The following ZEB2 variants were observed in gnomAD, a reference collection of about 807,000 sequenced individuals.
The protein encoded by ZEB2 is zinc finger E-box-binding homeobox 2.
A neutral mutation model predicts 99.9 loss-of-function variants in ZEB2; 6 were observed. The ratio of observed to expected loss-of-function variants is 0.06; its 90% confidence interval spans 0.03 to 0.12. The LOEUF (loss-of-function observed/expected upper bound fraction) is 0.12, where lower values mean the gene tolerates loss of function less well. Ranked by LOEUF, ZEB2 falls within the 10% of genes least tolerant of loss-of-function variation. The pLI is 1.00. For missense variants in ZEB2, 969 were observed against 1,502.8 expected (o/e 0.64, Z 5.87); for synonymous variants, 517 against 542.5 (o/e 0.95, Z 0.65).
chr2:144,458,184 C>A (rs1704145886), intron 2 of ZEB2, among the ~76,000 whole-genome samples: 1 of 151,920 alleles, frequency 6.6e-6, no homozygotes, highest in Admixed American at 6.6e-5. Context: ...CACCACCACA[C>A]AACTTCACAC....
At chr2:144,462,078 G>C (rs914607437) in intron 2 of ZEB2, 6 of 149,010 alleles carry the variant, frequency 4.0e-5, no homozygotes, top group African/African-American at 1.6e-4. Flanking sequence ...AGGGTAAGGA[G>C]GGGGGACAGG....
At chr2:144,458,094 C>A (rs544954661) in intron 2 of ZEB2, among the ~76,000 whole-genome samples, 75 of 151,908 alleles carry the variant, frequency 4.9e-4, no homozygotes, top group African/African-American at 1.7e-3. Context: ...TATTTCTGGG[C>A]TGTTTTCATT....
intron 4 of ZEB2, among the ~76,000 whole-genome samples, chr2:144,410,199 G>A (rs913026830): frequency 3.3e-5 from 5 of 152,052 alleles, no homozygotes; most frequent in East Asian, 1.9e-4. Context: ...GTGAGCCACC[G>A]CGCCCAGCCA....
chr2:144,428,639 T>C (rs2149890612), intron 3 of ZEB2: 1 of 152,312 alleles, frequency 6.6e-6, no homozygotes, highest in Non-Finnish European at 1.5e-5. Context: ...TGTACTCAAA[T>C]TGCCATCAGT....
At chr2:144,431,614 G>T (rs1703770526) in intron 2 of ZEB2, among the ~76,000 whole-genome samples, 1 of 151,926 alleles carries the variant, frequency 6.6e-6, no homozygotes, top group African/African-American at 2.4e-5. Context: ...CTTTTCAAGA[G>T]GTGTGACCAC....
intron 2 of ZEB2, among the ~76,000 whole-genome samples, chr2:144,460,210 C>T (rs552349239): frequency 6.6e-6 from 1 of 152,138 alleles, no homozygotes; most frequent in East Asian, 1.9e-4. Flanking sequence ...AGTGATTAAA[C>T]CATGGACACG....
intron 2 of ZEB2, chr2:144,482,039 C>A (rs549234004): frequency 6.6e-6 from 1 of 152,320 alleles, no homozygotes; most frequent in East Asian, 1.9e-4. Context: ...ATAATTCCAA[C>A]AGAATGCCTC....
chr2:144,476,836 T>G (rs1375806467), intron 2 of ZEB2, among the ~76,000 whole-genome samples: 4 of 152,160 alleles, frequency 2.6e-5, no homozygotes, highest in African/African-American at 9.7e-5. Context: ...GGGTTCCATG[T>G]TTCATGTATC....
At chr2:144,495,084 C>T (rs142616849) in intron 2 of ZEB2, 2 of 152,302 alleles carry the variant, frequency 1.3e-5, no homozygotes, top group East Asian at 1.9e-4. Context: ...TTGCTATGTT[C>T]GGTCCTTGAA....
chr2:144,487,034 T>C (rs1704608670), intron 2 of ZEB2, among the ~76,000 whole-genome samples: 1 of 152,210 alleles, frequency 6.6e-6, no homozygotes, highest in African/African-American at 2.4e-5. Flanking sequence ...ATTATGCATA[T>C]AAACTTCCGT....
At chr2:144,445,816 T>C (rs545062915) in intron 2 of ZEB2, among the ~76,000 whole-genome samples, 79 of 152,338 alleles carry the variant, frequency 5.2e-4, no homozygotes, top group Non-Finnish European at 1.0e-3. Flanking sequence ...CACTGTCATT[T>C]CAGGCAGTAT....
intron 2 of ZEB2, among the ~76,000 whole-genome samples, chr2:144,456,558 C>G (rs184145815): frequency 6.6e-6 from 1 of 152,116 alleles, no homozygotes; most frequent in South Asian, 2.1e-4. Flanking sequence ...GGGACTTCCA[C>G]AAATTCTTTA....
In ZEB2 at chr2:144,385,633, A is replaced by G. The variant is rs1703071426; in HGVS notation, c.*3818T>C. The G allele has an allele frequency of 6.6e-6, 1 of 152,142 alleles. No individual in the cohort carries two copies. The highest frequency in any genetic ancestry group is 1.9e-4 in the East Asian group (1 of 5,196). The allele number at this position is 152,142 out of a possible 1,614,324, so 9.4% of individuals were successfully genotyped here. On this transcript the variant is annotated 3_prime_UTR_variant, in exon 10 of 10. Transcript: ENST00000627532. ...TATTACAATGTGTGGGGCTCCAGAT[A>G]TACACACACTTGTTTGTGTGTATAT...
intron 7 of ZEB2, 162 bp from the exon 8 acceptor site, chr2:144,400,432 A>T: frequency 1.3e-6 from 1 of 783,872 alleles, no homozygotes; most frequent in Non-Finnish European, 2.0e-6. Flanking sequence ...ACCATTTCTG[A>T]ACTTTATCTG....
chr2:144,396,335 A>C lies in ZEB2; in HGVS notation c.3067+77T>G, dbSNP rs910548301. Reference sequence around the variant, plus strand: ...CAGCATATGTTACATCTTATGTTGCACAAGTGTGCTCATTAAATATTATGA... The same window carrying C: ...CAGCATATGTTACATCTTATGTTGCCCAAGTGTGCTCATTAAATATTATGA... On this transcript the variant is annotated intron_variant, in intron 9 of 9. Coordinates refer to ENST00000627532, the MANE Select transcript of ZEB2 (RefSeq NM_014795.4). The C allele has an allele frequency of 1.7e-5, 26 of 1,546,464 alleles. No individual in the cohort carries two copies. In the East Asian group the frequency reaches 5.2e-4, roughly 31 times the overall value.
intron 2 of ZEB2, chr2:144,494,982 A>T (rs182035427): frequency 6.6e-6 from 1 of 152,226 alleles, no homozygotes; most frequent in Non-Finnish European, 1.5e-5. Flanking sequence ...TCAAGAAGTA[A>T]CCTCAGTGTA....
At chr2:144,466,236 T>A (rs1342591472) in intron 2 of ZEB2, among the ~76,000 whole-genome samples, 1 of 152,188 alleles carries the variant, frequency 6.6e-6, no homozygotes, top group African/African-American at 2.4e-5. Flanking sequence ...GATTATGGAA[T>A]TATCTGAAAA....
intron 1 of ZEB2, among the ~76,000 whole-genome samples, chr2:144,519,189 T>C (rs766267712): frequency 6.6e-6 from 1 of 152,200 alleles, no homozygotes; most frequent in Non-Finnish European, 1.5e-5. Context: ...TTAAAAGTTA[T>C]CCTAATTTAA....
chr2:144,491,158 G>A (rs1192972805), intron 2 of ZEB2, among the ~76,000 whole-genome samples: 1 of 152,252 alleles, frequency 6.6e-6, no homozygotes, highest in African/African-American at 2.4e-5. Flanking sequence ...AGTCTCTGAA[G>A]GAGCTGGGGT....
Sources: gnomAD v4.1 joint callset for allele counts (sites outside exome capture counted in the v4.1 genomes callset) on GRCh38, gnomAD v4.1.1 for gene constraint, MANE v1.5 for transcripts, NCBI Gene and HGNC (gene_info 2026-07-23, HGNC 2026-07-21) for gene names.